CADM2: variants seen among roughly 807,000 people sequenced by gnomAD.
CADM2 encodes the protein immunoglobulin superfamily member 4D.
A neutral mutation model predicts 49.8 loss-of-function variants in CADM2; 12 were observed. The ratio of observed to expected loss-of-function variants is 0.24; its 90% CI spans 0.15 to 0.39. CADM2 has a LOEUF of 0.39. Ranked by LOEUF, CADM2 falls within the 10% of genes least tolerant of loss-of-function variation. The pLI is 1.00. For synonymous variants in CADM2, 214 were observed against 175.4 expected (o/e 1.22, Z -1.74); for missense variants, 378 against 492.3 (o/e 0.77, Z 2.20).
intron 3 of CADM2, among the ~76,000 whole-genome samples, chr3:85,863,635 A>G (rs771973025): frequency 6.6e-6 from 1 of 152,208 alleles, no homozygotes; most frequent in Non-Finnish European, 1.5e-5. Context: ...TAGACTTCTC[A>G]GTATCCAGTA....
intron 7 of CADM2, among the ~76,000 whole-genome samples, chr3:85,948,949 T>C (rs955165074): frequency 1.3e-5 from 2 of 151,340 alleles, no homozygotes; most frequent in Non-Finnish European, 3.0e-5. Context: ...GCAGCACCTA[T>C]GATAACGTGG....
At chr3:85,529,762 G>A (rs1409474739) in intron 1 of CADM2, among the ~76,000 whole-genome samples, 1 of 151,836 alleles carries the variant, frequency 6.6e-6, no homozygotes, top group Non-Finnish European at 1.5e-5. Context: ...GGGCCTCTGG[G>A]TGCAGTTTTA....
At chr3:86,023,766 T>A (rs150317410) in intron 8 of CADM2, among the ~76,000 whole-genome samples, 10 of 152,308 alleles carry the variant, frequency 6.6e-5, no homozygotes, top group Admixed American at 1.3e-4. Context: ...TATTTCTCAC[T>A]GCAGATGACA....
At chr3:85,845,981 G>A (rs912577716) in intron 3 of CADM2, among the ~76,000 whole-genome samples, 1 of 152,058 alleles carries the variant, frequency 6.6e-6, no homozygotes, top group Non-Finnish European at 1.5e-5. Flanking sequence ...TTCTACTGGG[G>A]TTGGTGGTGG....
chr3:85,065,250 A>C (rs987455390), intron 1 of CADM2, among the ~76,000 whole-genome samples: 1 of 152,074 alleles, frequency 6.6e-6, no homozygotes, highest in African/African-American at 2.4e-5. Flanking sequence ...TAATCTACTA[A>C]ATAGAATCAA....
intron 8 of CADM2, among the ~76,000 whole-genome samples, chr3:86,052,852 T>A (rs1006563844): frequency 2.6e-5 from 4 of 152,154 alleles, no homozygotes; most frequent in Non-Finnish European, 5.9e-5. Context: ...CTTACAAACT[T>A]TCTTTTTCTT....
At chr3:86,045,276 T>C (rs1440860943) in intron 8 of CADM2, among the ~76,000 whole-genome samples, 1 of 152,118 alleles carries the variant, frequency 6.6e-6, no homozygotes, top group Non-Finnish European at 1.5e-5. Context: ...ATGGGAACTG[T>C]CATTGAGCTT....
At chr3:85,865,772 C>T (rs961340668) in intron 3 of CADM2, among the ~76,000 whole-genome samples, 4 of 152,126 alleles carry the variant, frequency 2.6e-5, no homozygotes, top group Admixed American at 2.0e-4. Flanking sequence ...CACGATACTA[C>T]TTTTACGGAA....
intron 8 of CADM2, among the ~76,000 whole-genome samples, chr3:86,004,802 G>A (rs2106846950): frequency 6.6e-6 from 1 of 152,304 alleles, no homozygotes; most frequent in South Asian, 2.1e-4. Context: ...ACCTATCAAT[G>A]TCTTGTGACC....
rs9826906 is a variant in CADM2, at chr3:85,281,971, T to C, written c.61+322303T>C. On this transcript the variant is annotated intron_variant, in intron 1 of 9. Coordinates refer to ENST00000383699, the MANE Select transcript of CADM2 (RefSeq NM_001167675.2). The stretch of plus-strand genomic sequence containing the variant: ...AAATCTCATTATATTGAGAGTTCCA[T>C]GAGGAAAGAAAGAAGTTTCTTAAAA... Among the ~76,000 whole-genome samples the C allele has an allele frequency of 4.8e-3, 727 of 152,226 alleles. 4 individuals carry two copies. Among genetic ancestry groups the C allele is most frequent in the Middle Eastern group, 0.027 (8 of 294 alleles).
chr3:85,455,501 G>A (rs184840215), intron 1 of CADM2, among the ~76,000 whole-genome samples: 10 of 152,162 alleles, frequency 6.6e-5, no homozygotes, highest in African/African-American at 2.2e-4. Flanking sequence ...AAATGTCTCA[G>A]TTTAAAGAAC....
intron 5 of CADM2, among the ~76,000 whole-genome samples, chr3:85,902,383 T>A (rs1368290094): frequency 1.3e-5 from 2 of 151,990 alleles, no homozygotes; most frequent in African/African-American, 4.8e-5. Flanking sequence ...TTTCATCCTT[T>A]TATTTTCAGT....
At chr3:85,794,454 A>G (rs2071507223) in intron 2 of CADM2, among the ~76,000 whole-genome samples, 1 of 152,190 alleles carries the variant, frequency 6.6e-6, no homozygotes, top group South Asian at 2.1e-4. Flanking sequence ...CCTTAATTGG[A>G]TTAGAATCAA....
chr3:85,664,703 T>A (rs1436579235), intron 1 of CADM2, among the ~76,000 whole-genome samples: 1 of 151,990 alleles, frequency 6.6e-6, no homozygotes, highest in Admixed American at 6.6e-5. Context: ...ATTAATTGAA[T>A]TTCCTTTCTC....
intron 1 of CADM2, among the ~76,000 whole-genome samples, chr3:85,509,118 G>A (rs1240895458): frequency 6.6e-6 from 1 of 152,058 alleles, no homozygotes; most frequent in Admixed American, 6.6e-5. Flanking sequence ...GCTATGGGAC[G>A]CTAACCAAAT....
At chr3:85,134,180 C>G (rs1215220730) in intron 1 of CADM2, among the ~76,000 whole-genome samples, 2 of 152,230 alleles carry the variant, frequency 1.3e-5, no homozygotes, top group Admixed American at 6.5e-5. Context: ...AGCCCACGCC[C>G]ACCCGGAACT....
At chr3:86,015,195 A>C (rs1732060973) in intron 8 of CADM2, 2 of 350,108 alleles carry the variant, frequency 5.7e-6, no homozygotes, top group Non-Finnish European at 1.0e-5. Flanking sequence ...TAAACCTCTT[A>C]ATCACTAAAT....
chr3:85,448,213 G>C (rs978118911), intron 1 of CADM2, among the ~76,000 whole-genome samples: 1 of 151,526 alleles, frequency 6.6e-6, no homozygotes, highest in Non-Finnish European at 1.5e-5. Flanking sequence ...GGCGCCTGTA[G>C]TCCCAACTAC....
intron 1 of CADM2, among the ~76,000 whole-genome samples, chr3:85,296,335 T>C (rs941631122): frequency 6.6e-6 from 1 of 152,096 alleles, no homozygotes; most frequent in Non-Finnish European, 1.5e-5. Flanking sequence ...AGGCAATAAT[T>C]GATAACTCAA....
Sources: allele counts gnomAD v4.1 joint callset (sites outside exome capture counted in the v4.1 genomes callset), GRCh38; gene constraint gnomAD v4.1.1; transcripts MANE v1.5; gene names NCBI Gene and HGNC (gene_info 2026-07-23, HGNC 2026-07-21).